Variants in ATP11C observed in about 807,000 individuals in gnomAD.
ATP11C encodes phospholipid-transporting ATPase IG.
A neutral mutation model predicts 97.4 loss-of-function variants in ATP11C; 36 were observed. The ratio of observed to expected loss-of-function variants is 0.37; its 90% CI spans 0.28 to 0.49. ATP11C has a LOEUF of 0.49. Among genes scored for constraint, ATP11C ranks in the 20% least tolerant of loss-of-function variants. ATP11C has a pLI of 0.98. For synonymous variants in ATP11C, 275 were observed against 290.9 expected (o/e 0.95, Z 0.56); for missense variants, 730 against 824.6 (o/e 0.89, Z 1.40).
At chrX:139,876,565 AG>A (rs2084478220) in intron 1 of ATP11C, among the ~76,000 whole-genome samples, 1 of 112,140 alleles carries the variant, frequency 8.9e-6, no homozygotes, top group African/African-American at 3.2e-5. Context: ...CCAAGTAGCT[AG>A]GACCACAGGT....
rs1031310082 is a variant in ATP11C at position 139,842,737 on chromosome X, T to C, written c.28-15914A>G. On this transcript the variant is annotated intron_variant, in intron 1 of 29. Transcript: ENST00000682941. ...CTGAGCGTTGGGTAATTTTGGCCTC[T>C]TGTGATCTAGAATACGATCAAATTA... Among the ~76,000 whole-genome samples, 3 of 112,351 alleles carry C rather than the reference T, an allele frequency of 2.7e-5. No homozygotes were observed. In the Admixed American group the frequency reaches 2.8e-4, roughly 11 times the overall value.
intron 14 of ATP11C, 116 bp from the exon 15 acceptor site, chrX:139,787,360 C>T (rs1157423437): frequency 4.4e-5 from 23 of 525,234 alleles, no homozygotes; most frequent in South Asian, 8.1e-5. Flanking sequence ...TGCAGTGGCG[C>T]GATCTCGGCT....
intron 29 of ATP11C, among the ~76,000 whole-genome samples, 153 bp downstream of exon 29, chrX:139,731,497 TC>T (rs2081339485): frequency 8.9e-6 from 1 of 112,259 alleles, no homozygotes; most frequent in African/African-American, 3.2e-5. Flanking sequence ...TTCCCCATAT[TC>T]CAAGTAATGC....
chrX:139,865,370 C>T (rs1351701083), intron 1 of ATP11C, among the ~76,000 whole-genome samples: 2 of 111,708 alleles, frequency 1.8e-5, no homozygotes, highest in African/African-American at 6.5e-5. Context: ...AAAAGAAAAA[C>T]AGGATGTTTT....
At chrX:139,735,427 G>C (rs1431356998) in intron 28 of ATP11C, among the ~76,000 whole-genome samples, 1 of 111,675 alleles carries the variant, frequency 9.0e-6, no homozygotes, top group Non-Finnish European at 1.9e-5. Flanking sequence ...TCTAGGTAGA[G>C]ACACACATTT....
At chrX:139,782,526 A>C in intron 18 of ATP11C, 21 bp downstream of exon 18, 2 of 1,110,558 alleles carry the variant, frequency 1.8e-6, no homozygotes, top group Non-Finnish European at 2.5e-6. Context: ...TAAAATAATA[A>C]GAGTATCATT....
chrX:139,936,411 C>A (rs2085515545), upstream of ATP11C, among the ~76,000 whole-genome samples: 1 of 111,313 alleles, frequency 9.0e-6, no homozygotes, highest in Admixed American at 9.6e-5. Flanking sequence ...TTCATTGGGA[C>A]AACTCCATTG....
At chrX:139,847,884 T>G (rs927473949) in intron 1 of ATP11C, among the ~76,000 whole-genome samples, 1 of 110,998 alleles carries the variant, frequency 9.0e-6, no homozygotes, top group African/African-American at 3.3e-5. Context: ...ATAAGCAAGC[T>G]TCCTCTTGCC....
intron 3 of ATP11C, 57 bp downstream of exon 3, chrX:139,819,281 A>G (rs2083351973): frequency 4.0e-6 from 2 of 496,828 alleles, no homozygotes; most frequent in Non-Finnish European, 6.4e-6. Flanking sequence ...TAGATTGAAA[A>G]TTCGTTTAAA....
rs2082853765 is a variant in ATP11C at position 139,798,701 on chromosome X, T to C, written c.753A>G (p.Leu251=). 1.7e-6 allele frequency: 2 copies of C among 1,204,756 alleles called. No homozygotes were observed. The highest frequency in any genetic ancestry group is 4.4e-5 in the Admixed American group (2 of 45,353). ...CACCATATATCTTCTCGGTATTTTT[T>C]AGCGTAGCTCCTTTCAGCAAGAGAT... ...PENLLLKGAT[L]KNTEKIYGVA... Residue 251 remains leucine, a synonymous_variant, in exon 9 of 30, where the codon CTA becomes CTG. Transcript: ENST00000682941.
chrX:139,800,021 C>CT, intron 8 of ATP11C, 39 bp downstream of exon 8: 3 of 581,085 alleles, frequency 5.2e-6, no homozygotes, highest in Non-Finnish European at 8.2e-6. Flanking sequence ...AGACCCCCCC[C>CT]CCCAACCAAA....
chrX:139,753,758 G>A (rs554829658), intron 23 of ATP11C, among the ~76,000 whole-genome samples: 10 of 110,896 alleles, frequency 9.0e-5, no homozygotes, highest in South Asian at 3.8e-4. Context: ...GCAGTGAGCC[G>A]AAATCACGCC....
At chrX:139,879,596 G>T (rs1174189540) in intron 1 of ATP11C, among the ~76,000 whole-genome samples, 1 of 111,759 alleles carries the variant, frequency 8.9e-6, no homozygotes, top group Non-Finnish European at 1.9e-5. Context: ...TACACCATGG[G>T]TGGTATTAGA....
At chrX:139,856,806 T>G (rs1020874609) in intron 1 of ATP11C, among the ~76,000 whole-genome samples, 7 of 112,287 alleles carry the variant, frequency 6.2e-5, no homozygotes, top group African/African-American at 2.3e-4. Flanking sequence ...CTAGAGATGC[T>G]GTTAAAGGAA....
intron 1 of ATP11C, among the ~76,000 whole-genome samples, chrX:139,846,208 T>C (rs2083906247): frequency 8.9e-6 from 1 of 112,268 alleles, no homozygotes; most frequent in Admixed American, 9.4e-5. Flanking sequence ...GAGCTTCAAT[T>C]TTACTAATGT....
intron 19 of ATP11C, among the ~76,000 whole-genome samples, chrX:139,769,509 C>T (rs1438669057): frequency 2.8e-5 from 3 of 106,106 alleles, no homozygotes; most frequent in Non-Finnish European, 3.9e-5. Flanking sequence ...AGGTGGTTCT[C>T]ATGTGTAGCC....
intron 3 of ATP11C, 74 bp from the exon 4 acceptor site, chrX:139,817,017 A>ATATG: frequency 1.7e-6 from 1 of 585,192 alleles, no homozygotes; most frequent in Non-Finnish European, 2.7e-6. Context: ...TACATGCTGC[A>ATATG]AACATTTCAA....
chrX:139,913,140 C>T lies in ATP11C; in HGVS notation c.27+18876G>A, dbSNP rs188463666. ...AAGGACTGCCACTCTATCTAACATTCTGCAACTAATTAATTGTATTCATAA... is the reference window on the plus strand; with the variant it reads ...AAGGACTGCCACTCTATCTAACATTTTGCAACTAATTAATTGTATTCATAA... On this transcript the variant is annotated intron_variant, in intron 1 of 29. Transcript: ENST00000682941. Among the ~76,000 whole-genome samples, 210 of 111,691 alleles carry T rather than the reference C, an allele frequency of 1.9e-3. 1 individual carries two copies. Among genetic ancestry groups the T allele is most frequent in the Non-Finnish European group, 3.3e-3 (178 of 53,154 alleles).
intron 1 of ATP11C, among the ~76,000 whole-genome samples, chrX:139,867,362 G>T (rs1419548111): frequency 9.1e-6 from 1 of 110,303 alleles, no homozygotes; most frequent in African/African-American, 3.3e-5. Flanking sequence ...AAGTGTTGGG[G>T]GAGGTTGCAA....
Sources: allele counts gnomAD v4.1 joint callset (sites outside exome capture counted in the v4.1 genomes callset), GRCh38; gene constraint gnomAD v4.1.1; transcripts MANE v1.5; gene names NCBI Gene and HGNC (gene_info 2026-07-23, HGNC 2026-07-21).